Variants in ATP8A2 observed in about 807,000 individuals in gnomAD.
ATP8A2 encodes the protein ATPase phospholipid transporting 8A2, also known as phospholipid-transporting ATPase IB.
Under a neutral mutation model 165.6 loss-of-function variants are expected in ATP8A2, and 100 were observed. That is an observed-to-expected ratio of 0.60 (90% CI 0.51 to 0.71). The LOEUF (loss-of-function observed/expected upper bound fraction) is 0.71. ATP8A2 is among the 30% of genes least tolerant of loss of function. The probability of loss-of-function intolerance (pLI) is 0.00; values close to 1 mark genes in which losing one functional copy is unlikely to be tolerated. For missense variants in ATP8A2, 1,227 were observed against 1,479.5 expected (o/e 0.83, Z 2.80); for synonymous variants, 543 against 548.8 (o/e 0.99, Z 0.15).
chr13:25,657,577 T>C (rs1004796745), intron 24 of ATP8A2, among the ~76,000 whole-genome samples: 1 of 152,228 alleles, frequency 6.6e-6, no homozygotes, highest in South Asian at 2.1e-4. Context: ...AAATCTGTAC[T>C]GCATAGCCCA....
intron 11 of ATP8A2, 29 bp downstream of exon 11, chr13:25,551,532 A>G: frequency 6.3e-7 from 1 of 1,577,558 alleles, no homozygotes; most frequent in East Asian, 2.3e-5. Flanking sequence ...TGCTTGTTCC[A>G]GTGGAAGAAA....
chr13:25,577,214 T>C (rs1483100742), intron 20 of ATP8A2, 76 bp downstream of exon 20: 1 of 1,174,674 alleles, frequency 8.5e-7, no homozygotes, highest in Non-Finnish European at 1.3e-6. Context: ...CTAACTGCTT[T>C]CCTCATCATT....
At position 25,798,396 on chromosome 13, in the gene ATP8A2, T is replaced by C. The variant is rs115007003; in HGVS notation, c.2679+23437T>C. 7.9e-4 allele frequency among the ~76,000 whole-genome samples: 121 copies of C among 152,298 alleles called. 1 individual carries two copies. Among genetic ancestry groups the C allele is most frequent in the South Asian group, 3.1e-3 (15 of 4,826 alleles). ...TTTAGGGGAGGGCACAGGAACATGA[T>C]GGCATGGTGTTACATTTGGTGATTT... is the stretch of plus-strand genomic sequence containing the variant. On this transcript the variant is annotated intron_variant, in intron 27 of 36. Transcript: ENST00000381655.
intron 35 of ATP8A2, among the ~76,000 whole-genome samples, chr13:25,974,276 G>C (rs1955975533): frequency 6.6e-6 from 1 of 152,210 alleles, no homozygotes. Flanking sequence ...TAACTGAAAA[G>C]CTGCATAACA....
At chr13:25,906,732 A>G (rs1215615582) in intron 33 of ATP8A2, among the ~76,000 whole-genome samples, 1 of 152,206 alleles carries the variant, frequency 6.6e-6, no homozygotes, top group Non-Finnish European at 1.5e-5. Flanking sequence ...CTGGTTTCCA[A>G]TGTTGCTTAA....
chr13:25,592,924 CTG>C (rs1212643084), intron 24 of ATP8A2, among the ~76,000 whole-genome samples: 1 of 152,122 alleles, frequency 6.6e-6, no homozygotes, highest in African/African-American at 2.4e-5. Context: ...AGTATAATGA[CTG>C]TAATTTATTC....
chr13:25,430,122 C>G (rs1233760733), intron 1 of ATP8A2, among the ~76,000 whole-genome samples: 1 of 152,140 alleles, frequency 6.6e-6, no homozygotes, highest in Admixed American at 6.5e-5. Flanking sequence ...GCTGGAGGAG[C>G]AGTCAGGACC....
chr13:25,890,472 T>C (rs1953323738), intron 33 of ATP8A2, among the ~76,000 whole-genome samples: 3 of 152,234 alleles, frequency 2.0e-5, no homozygotes, highest in Admixed American at 6.5e-5. Context: ...TACTAGAAGA[T>C]GTACTGGAAG....
Position 25,516,238 on chromosome 13 carries a change from G to GGGACC in ATP8A2, c.222-13761_222-13760insGGACC, listed in dbSNP as rs771285937. On this transcript the variant is annotated intron_variant, in intron 2 of 36. Coordinates refer to ENST00000381655, the MANE Select transcript of ATP8A2 (RefSeq NM_016529.6). ...TTCCTGAACCCTGTCTCCTTGGGAA[G>GGGACC]TGTCTTTTCTGACAAGGTATGTCCT... Among the ~76,000 whole-genome samples the GGGACC allele has an allele frequency of 3.2e-4, 48 of 152,282 alleles. No homozygotes were observed. The South Asian group carries it at 9.7e-3, about 31-fold the overall frequency.
At chr13:25,799,814 C>T (rs867027514) in intron 27 of ATP8A2, among the ~76,000 whole-genome samples, 2 of 152,100 alleles carry the variant, frequency 1.3e-5, no homozygotes, top group Non-Finnish European at 2.9e-5. Flanking sequence ...TGTGATTGAG[C>T]AAAAAATCTT....
intron 2 of ATP8A2, among the ~76,000 whole-genome samples, chr13:25,513,328 G>T (rs868080492): frequency 4.6e-5 from 7 of 151,792 alleles, no homozygotes; most frequent in Non-Finnish European, 8.8e-5. Flanking sequence ...CGGGGCGGTG[G>T]GGCAGAGGCG....
At chr13:26,013,628 C>A (rs1368160478) in intron 36 of ATP8A2, among the ~76,000 whole-genome samples, 1 of 150,906 alleles carries the variant, frequency 6.6e-6, no homozygotes, top group South Asian at 2.1e-4. Context: ...GAGCCGAGGT[C>A]ATGCCATTGC....
chr13:25,938,847 C>CAT (rs1954988808), intron 33 of ATP8A2, among the ~76,000 whole-genome samples: 1 of 144,488 alleles, frequency 6.9e-6, no homozygotes, highest in East Asian at 2.0e-4. Flanking sequence ...TTCTCCTTTC[C>CAT]TTTTTTTTTT....
intron 2 of ATP8A2, among the ~76,000 whole-genome samples, chr13:25,494,301 G>A (rs1361901441): frequency 3.3e-5 from 5 of 152,194 alleles, no homozygotes; most frequent in Non-Finnish European, 7.3e-5. Flanking sequence ...GTCTGGGTCT[G>A]CTGCATTTAA....
intron 24 of ATP8A2, among the ~76,000 whole-genome samples, chr13:25,681,024 G>A (rs2042476079): frequency 6.6e-6 from 1 of 152,190 alleles, no homozygotes; most frequent in African/African-American, 2.4e-5. Context: ...TTTCTGAAGA[G>A]AGGGAAACAA....
At chr13:25,996,890 G>A (rs1396286557) in intron 35 of ATP8A2, among the ~76,000 whole-genome samples, 1 of 152,204 alleles carries the variant, frequency 6.6e-6, no homozygotes, top group African/African-American at 2.4e-5. Flanking sequence ...CACCACATTA[G>A]CCAGGCTGGT....
At chr13:25,882,572 T>G (rs1953013258) in intron 33 of ATP8A2, among the ~76,000 whole-genome samples, 1 of 152,206 alleles carries the variant, frequency 6.6e-6, no homozygotes, top group Non-Finnish European at 1.5e-5. Flanking sequence ...GTTTATTGTT[T>G]AATTTTTGGC....
At chr13:25,511,953 T>C (rs1379302805) in intron 2 of ATP8A2, among the ~76,000 whole-genome samples, 3 of 151,550 alleles carry the variant, frequency 2.0e-5, no homozygotes, top group African/African-American at 7.3e-5. Context: ...GGCAGGGTCA[T>C]AGGACAATAG....
At chr13:26,015,023 A>G (rs1956936502) in intron 36 of ATP8A2, among the ~76,000 whole-genome samples, 1 of 152,172 alleles carries the variant, frequency 6.6e-6, no homozygotes, top group Admixed American at 6.5e-5. Context: ...GACAGAATAT[A>G]CACGATATAT....
Sources: gnomAD v4.1 joint callset for allele counts (sites outside exome capture counted in the v4.1 genomes callset) on GRCh38, gnomAD v4.1.1 for gene constraint, MANE v1.5 for transcripts, NCBI Gene and HGNC (gene_info 2026-07-23, HGNC 2026-07-21) for gene names.